Variants in GRIN2A observed in about 807,000 individuals in gnomAD.
GRIN2A encodes the protein glutamate ionotropic receptor NMDA type subunit 2A, also known as glutamate receptor ionotropic, NMDA 2A.
A neutral mutation model predicts 113.4 loss-of-function variants in GRIN2A; 22 were observed. The ratio of observed to expected loss-of-function variants is 0.19; its 90% confidence interval spans 0.14 to 0.28. The LOEUF (loss-of-function observed/expected upper bound fraction) is 0.28, where lower values mean the gene tolerates loss of function less well. Among genes scored for constraint, GRIN2A ranks in the 10% least tolerant of loss-of-function variants. GRIN2A has a pLI of 1.00. For missense variants in GRIN2A, 1,502 were observed against 1,887.0 expected, an observed-to-expected ratio of 0.80 and a Z score of 3.78; for synonymous variants, 827 against 738.4, an observed-to-expected ratio of 1.12 and a Z score of -1.94.
chr16:10,165,624 T>C (rs1471832132), intron 2 of GRIN2A, among the ~76,000 whole-genome samples: 1 of 145,996 alleles, frequency 6.8e-6, no homozygotes, highest in African/African-American at 2.5e-5. Flanking sequence ...AAAATATTTC[T>C]TTCAATGCTG....
At chr16:10,034,692 C>T (rs933801751) in intron 2 of GRIN2A, among the ~76,000 whole-genome samples, 2 of 146,844 alleles carry the variant, frequency 1.4e-5, no homozygotes, top group African/African-American at 2.5e-5. Context: ...ACTGGTCTAT[C>T]TATTCAGGAG....
At chr16:9,764,982 C>A (rs1185287010) in intron 12 of GRIN2A, 34 bp from the exon 13 acceptor site, 1 of 1,613,098 alleles carries the variant, frequency 6.2e-7, no homozygotes, top group South Asian at 1.1e-5. Context: ...CTGTCAGCAG[C>A]AGCAGCAGTG....
chr16:9,993,394 T>A (rs1302297131), intron 2 of GRIN2A, among the ~76,000 whole-genome samples: 1 of 151,612 alleles, frequency 6.6e-6, no homozygotes, highest in African/African-American at 2.4e-5. Context: ...TACAAAAAAA[T>A]TTTTAAAAAG....
intron 4 of GRIN2A, among the ~76,000 whole-genome samples, chr16:9,887,165 G>A (rs867091776): frequency 6.6e-6 from 1 of 152,120 alleles, no homozygotes; most frequent in Non-Finnish European, 1.5e-5. Context: ...AGGATTACAG[G>A]CATGAGCCAC....
At chr16:9,815,206 A>G (rs2042163362) in intron 10 of GRIN2A, among the ~76,000 whole-genome samples, 1 of 152,098 alleles carries the variant, frequency 6.6e-6, no homozygotes, top group African/African-American at 2.4e-5. Flanking sequence ...ACTGAGGACA[A>G]CTCAAGCCTT....
At chr16:9,870,549 A>G (rs1460099712) in intron 4 of GRIN2A, among the ~76,000 whole-genome samples, 1 of 152,130 alleles carries the variant, frequency 6.6e-6, no homozygotes, top group African/African-American at 2.4e-5. Flanking sequence ...CCATCACAGC[A>G]GAGTCACATA....
intron 5 of GRIN2A, among the ~76,000 whole-genome samples, chr16:9,847,467 A>T (rs958642198): frequency 3.9e-5 from 6 of 152,050 alleles, no homozygotes; most frequent in African/African-American, 9.7e-5. Context: ...CAGGAGGTTG[A>T]GGTGAGAAGA....
chr16:9,962,178 A>T (rs567732359), intron 2 of GRIN2A, among the ~76,000 whole-genome samples: 6 of 152,338 alleles, frequency 3.9e-5, no homozygotes, highest in African/African-American at 9.6e-5. Flanking sequence ...AACCTAGGCA[A>T]TACCATTCAG....
chr16:9,967,973 T>A (rs550153586), intron 2 of GRIN2A, among the ~76,000 whole-genome samples: 1 of 152,310 alleles, frequency 6.6e-6, no homozygotes, highest in East Asian at 1.9e-4. Flanking sequence ...GAAAGACACT[T>A]ATGACTGCGG....
At position 9,760,312 on chromosome 16, in the gene GRIN2A, T is replaced by G. The variant is rs1319522034; in HGVS notation, c.*2837A>C. The G allele has an allele frequency of 4.4e-6, 1 of 227,652 alleles. No individual in the cohort carries two copies. Among genetic ancestry groups the G allele is most frequent in the African/African-American group, 2.2e-5 (1 of 44,982 alleles). The allele number at this position is 227,652 out of a possible 1,614,324, so 14.1% of individuals were successfully genotyped here. ...TCTTTTTGCAAAGACTGAACTGACT[T>G]AGATGACCTTTGAATAACTCTACAT... On this transcript the variant is annotated 3_prime_UTR_variant, in exon 13 of 13. Transcript: ENST00000330684.
chr16:9,847,955 TG>T (rs1283564400), intron 5 of GRIN2A, among the ~76,000 whole-genome samples: 1 of 146,446 alleles, frequency 6.8e-6, no homozygotes. Context: ...ATGTTATATA[TG>T]TTTAACATGA....
chr16:9,987,159 G>A (rs1487067354), intron 2 of GRIN2A, among the ~76,000 whole-genome samples: 1 of 152,162 alleles, frequency 6.6e-6, no homozygotes, highest in Non-Finnish European at 1.5e-5. Flanking sequence ...TTATTGCAGA[G>A]CATGTCTGGT....
intron 11 of GRIN2A, among the ~76,000 whole-genome samples, chr16:9,784,659 C>G (rs1323220429): frequency 6.6e-6 from 1 of 152,042 alleles, no homozygotes; most frequent in Non-Finnish European, 1.5e-5. Flanking sequence ...GGGCAACCTA[C>G]AGAATGGGAG....
intron 4 of GRIN2A, among the ~76,000 whole-genome samples, chr16:9,855,472 G>C (rs1596502029): frequency 6.6e-6 from 1 of 152,186 alleles, no homozygotes; most frequent in East Asian, 1.9e-4. Context: ...ATGGAGATCT[G>C]AGTTTCTTCA....
At chr16:10,093,199 A>T (rs778207657) in intron 2 of GRIN2A, among the ~76,000 whole-genome samples, 16 of 152,184 alleles carry the variant, frequency 1.1e-4, no homozygotes, top group Non-Finnish European at 1.8e-4. Context: ...GTTGCTCAGC[A>T]CTGCAGGCAG....
At chr16:9,964,056 T>C (rs75185279) in intron 2 of GRIN2A, among the ~76,000 whole-genome samples, 4,777 of 152,202 alleles carry the variant, frequency 0.031, 107 homozygotes, top group African/African-American at 0.049. Flanking sequence ...CGTGGGTTGA[T>C]TGCAAATTTG....
chr16:9,764,800 A>C lies in GRIN2A; in HGVS notation c.2744T>G (p.Met915Arg). The C allele has an allele frequency of 6.2e-7, 1 of 1,614,212 alleles. No homozygotes were observed. Among genetic ancestry groups the C allele is most frequent in the Non-Finnish European group, 8.5e-7 (1 of 1,180,022 alleles). Residue 915 changes from methionine (M) to arginine (R), a missense_variant, in exon 13 of 13, where the codon ATG (methionine) becomes AGG (arginine). Transcript: ENST00000330684. ...SSMSNMNSSR[M>R]DSPKRAADFI... ...GTCAGCAGCTCTTTTGGGTGAGTCC[A>C]TTCTTGAGGAGTTCATGTTGGACAT...
intron 7 of GRIN2A, among the ~76,000 whole-genome samples, chr16:9,834,809 T>C (rs2042560051): frequency 6.6e-6 from 1 of 152,224 alleles, no homozygotes; most frequent in Admixed American, 6.5e-5. Context: ...AGGTCAAGGA[T>C]AATCAGAAGA....
At chr16:9,833,135 C>G (rs2042526175) in intron 8 of GRIN2A, among the ~76,000 whole-genome samples, 1 of 152,182 alleles carries the variant, frequency 6.6e-6, no homozygotes, top group Non-Finnish European at 1.5e-5. Context: ...CTGAGGAAAG[C>G]CCACTCAAAA....
Sources: gnomAD v4.1 joint callset for allele counts (sites outside exome capture counted in the v4.1 genomes callset) on GRCh38, gnomAD v4.1.1 for gene constraint, MANE v1.5 for transcripts, NCBI Gene and HGNC (gene_info 2026-07-23, HGNC 2026-07-21) for gene names.